MAST4: variants seen among roughly 807,000 people sequenced by gnomAD.
MAST4 encodes the protein microtubule-associated serine/threonine-protein kinase 4.
MAST4 carries 89 observed loss-of-function variants against 162.7 expected under a neutral mutation model. The ratio of observed to expected loss-of-function variants is 0.55; its 90% confidence interval spans 0.46 to 0.65. MAST4 has a LOEUF of 0.65. Among genes scored for constraint, MAST4 ranks in the 30% least tolerant of loss-of-function variants. The pLI, the probability that MAST4 is intolerant of heterozygous loss-of-function variation, is 0.00. For synonymous variants in MAST4, 1,479 were observed against 1,361.1 expected (o/e 1.09, Z -1.91); for missense variants, 3,153 against 3,374.0 (o/e 0.93, Z 1.62).
chr5:67,035,025 A>G (rs994233509), intron 4 of MAST4, among the ~76,000 whole-genome samples: 33 of 152,138 alleles, frequency 2.2e-4, no homozygotes, highest in Non-Finnish European at 4.4e-4. Flanking sequence ...CTGCAACTCA[A>G]GTTGTGTTTT....
chr5:67,143,686 C>T (rs535790578), intron 21 of MAST4, among the ~76,000 whole-genome samples: 2 of 152,286 alleles, frequency 1.3e-5, no homozygotes, highest in South Asian at 4.1e-4. Context: ...GGAATGGCAT[C>T]GAGGTAAGGA....
At chr5:66,637,049 G>A (rs1023926373) in intron 1 of MAST4, among the ~76,000 whole-genome samples, 2 of 152,106 alleles carry the variant, frequency 1.3e-5, no homozygotes, top group African/African-American at 2.4e-5. Context: ...TAGACTTCAC[G>A]TACATGCATA....
intron 5 of MAST4, among the ~76,000 whole-genome samples, chr5:67,065,719 A>G (rs1554091029): frequency 6.6e-6 from 1 of 152,240 alleles, no homozygotes; most frequent in African/African-American, 2.4e-5. Flanking sequence ...ATGTACAGGA[A>G]TGATATCTGT....
rs184920338 is a variant in MAST4, at chr5:67,162,769, C to T, written c.3948C>T (p.Ser1316=). 3.5e-3 allele frequency: 5,700 copies of T among 1,613,834 alleles called. 12 individuals carry two copies. The highest frequency in any genetic ancestry group is 4.3e-3 in the Non-Finnish European group (5,120 of 1,179,830). Residue 1316 remains serine (S), a synonymous_variant, in exon 28 of 29, where the codon TCC becomes TCT. Coordinates refer to ENST00000403625, the MANE Select transcript of MAST4 (RefSeq NM_001164664.2). ...SPRSPTPSYR[S]TPDFPSGTNS... Reference sequence around the variant, plus strand: ...GGTCTCCAACACCAAGCTACCGCTCCACCCCTGACTTCCCATCTGGTGAGT... The same window carrying T: ...GGTCTCCAACACCAAGCTACCGCTCTACCCCTGACTTCCCATCTGGTGAGT...
At chr5:67,028,938 G>C (rs1754986672) in intron 4 of MAST4, among the ~76,000 whole-genome samples, 1 of 151,976 alleles carries the variant, frequency 6.6e-6, no homozygotes, top group African/African-American at 2.4e-5. Flanking sequence ...AGACCAGCCT[G>C]GGCAACATGG....
At chr5:66,713,685 T>C (rs1750637799) in intron 1 of MAST4, among the ~76,000 whole-genome samples, 1 of 152,194 alleles carries the variant, frequency 6.6e-6, no homozygotes, top group African/African-American at 2.4e-5. Context: ...TAATATGCCC[T>C]CTTGTGGGGT....
intron 1 of MAST4, among the ~76,000 whole-genome samples, chr5:66,694,151 G>A (rs2149500022): frequency 6.6e-6 from 1 of 152,284 alleles, no homozygotes; most frequent in South Asian, 2.1e-4. Context: ...AGTTACATGG[G>A]ACCCACCCTG....
intron 4 of MAST4, among the ~76,000 whole-genome samples, chr5:66,924,329 T>C (rs1170069289): frequency 6.6e-6 from 1 of 152,088 alleles, no homozygotes; most frequent in African/African-American, 2.4e-5. Context: ...TATTGTGGTC[T>C]ATCTTTTGAG....
intron 3 of MAST4, among the ~76,000 whole-genome samples, chr5:66,895,675 A>C (rs1762639730): frequency 6.6e-6 from 1 of 152,122 alleles, no homozygotes; most frequent in Non-Finnish European, 1.5e-5. Flanking sequence ...CCTAGCTAGA[A>C]TCTCTCTCAC....
At chr5:67,076,836 G>C (rs944821283) in intron 5 of MAST4, among the ~76,000 whole-genome samples, 2 of 152,164 alleles carry the variant, frequency 1.3e-5, no homozygotes, top group African/African-American at 4.8e-5. Flanking sequence ...ATTCCCAGAT[G>C]AGCAGCAGCA....
Position 66,837,258 on chromosome 5 carries a change from G to A in MAST4, c.642+48464G>A, listed in dbSNP as rs147304761. Reference sequence around the variant, plus strand: ...CTTAAAAATATGTATTGTAGTTAACGTTGAGAACGTATTTTCTTTTTCTTC... The same window carrying A: ...CTTAAAAATATGTATTGTAGTTAACATTGAGAACGTATTTTCTTTTTCTTC... On this transcript the variant is annotated intron_variant, in intron 3 of 28. Transcript: ENST00000403625. 7.6e-3 allele frequency among the ~76,000 whole-genome samples: 1,154 copies of A among 152,108 alleles called. 13 individuals carry two copies. Among genetic ancestry groups the A allele is most frequent in the South Asian group, 0.02 (97 of 4,812 alleles).
At chr5:66,954,639 A>G (rs927996750) in intron 4 of MAST4, among the ~76,000 whole-genome samples, 2 of 152,234 alleles carry the variant, frequency 1.3e-5, no homozygotes, top group South Asian at 4.1e-4. Context: ...GGTGTCTCAC[A>G]CATGTGATCC....
intron 21 of MAST4, among the ~76,000 whole-genome samples, 183 bp from the exon 22 acceptor site, chr5:67,144,486 A>T (rs954911206): frequency 6.7e-6 from 1 of 148,976 alleles, no homozygotes; most frequent in Non-Finnish European, 1.5e-5. Context: ...ACACACACAC[A>T]CTCACTCACC....
intron 1 of MAST4, among the ~76,000 whole-genome samples, chr5:66,662,178 A>G (rs1425341441): frequency 6.6e-6 from 1 of 152,090 alleles, no homozygotes; most frequent in Non-Finnish European, 1.5e-5. Context: ...CTTGAAATAT[A>G]GAGTGTTGAG....
At chr5:67,149,188 C>T (rs1312302634) in intron 23 of MAST4, among the ~76,000 whole-genome samples, 5 of 152,154 alleles carry the variant, frequency 3.3e-5, no homozygotes, top group African/African-American at 9.7e-5. Context: ...ATAGATGCCT[C>T]TTCCATCTCT....
chr5:66,984,035 T>C (rs539895546), intron 4 of MAST4, among the ~76,000 whole-genome samples: 1 of 152,306 alleles, frequency 6.6e-6, no homozygotes, highest in East Asian at 1.9e-4. Flanking sequence ...TGTTCTAGGC[T>C]TTAGGGATAC....
intron 4 of MAST4, among the ~76,000 whole-genome samples, chr5:66,917,606 T>TC (rs541583300): frequency 4.7e-4 from 70 of 149,706 alleles, no homozygotes; most frequent in East Asian, 1.8e-3. Flanking sequence ...TTTTTTTTTT[T>TC]TCCCTAGATG....
intron 1 of MAST4, among the ~76,000 whole-genome samples, chr5:66,701,321 A>G (rs1420618843): frequency 1.3e-5 from 2 of 152,136 alleles, no homozygotes; most frequent in Non-Finnish European, 2.9e-5. Flanking sequence ...TGAAACTGCT[A>G]CTCAATGTCT....
intron 3 of MAST4, among the ~76,000 whole-genome samples, chr5:66,831,837 G>A (rs1160150772): frequency 6.6e-6 from 1 of 152,190 alleles, no homozygotes; most frequent in Non-Finnish European, 1.5e-5. Context: ...CTGATGGATG[G>A]ATGGGCTTGG....
Sources: gnomAD v4.1 joint callset for allele counts (sites outside exome capture counted in the v4.1 genomes callset) on GRCh38, gnomAD v4.1.1 for gene constraint, MANE v1.5 for transcripts, NCBI Gene and HGNC (gene_info 2026-07-23, HGNC 2026-07-21) for gene names.